The following SCARB1 variants were observed in gnomAD, a reference collection of about 807,000 sequenced individuals.
The protein encoded by SCARB1 is CD36 and LIMPII analogous 1.
SCARB1 carries 30 observed loss-of-function variants against 57.2 expected under a neutral mutation model. The observed-to-expected ratio is 0.52, with a 90% CI of 0.39 to 0.71. The LOEUF is 0.71. Among genes scored for constraint, SCARB1 ranks in the 30% least tolerant of loss-of-function variants. The pLI is 0.00. For synonymous variants in SCARB1, 249 were observed against 268.3 expected (o/e 0.93, Z 0.70); for missense variants, 543 against 671.2 (o/e 0.81, Z 2.11).
rs750135396 is a variant in SCARB1, at chr12:124,817,516, C to T, written c.284+34G>A. The T allele has an allele frequency of 1.5e-5, 24 of 1,610,050 alleles. No individual in the cohort carries two copies. Among genetic ancestry groups the T allele is most frequent in the Non-Finnish European group, 1.9e-5 (22 of 1,178,970 alleles). The stretch of plus-strand genomic sequence containing the variant: ...GACCCCTCCCCTGCCCAGCCTCAGC[C>T]GGCCCCTCCACCCTCACCTGGACAC... On this transcript the variant is annotated intron_variant, in intron 2 of 12. Coordinates refer to ENST00000261693, the MANE Select transcript of SCARB1 (RefSeq NM_005505.5). This position sits in a 1 kb window ranked among gnomAD's most constrained non-coding sequence, Gnocchi z 4.8.
At chr12:124,857,140 A>G (rs1952670939) in intron 1 of SCARB1, among the ~76,000 whole-genome samples, 1 of 152,154 alleles carries the variant, frequency 6.6e-6, no homozygotes, top group Non-Finnish European at 1.5e-5. Context: ...CGCAGAGGCC[A>G]CCGGGACCAG....
At chr12:124,850,991 G>C (rs1341826597) in intron 1 of SCARB1, among the ~76,000 whole-genome samples, 1 of 152,110 alleles carries the variant, frequency 6.6e-6, no homozygotes, top group Non-Finnish European at 1.5e-5. Context: ...GCTCCAAATG[G>C]GCAGGCGACC....
chr12:124,806,000 T>C (rs1419035624), intron 7 of SCARB1, among the ~76,000 whole-genome samples: 1 of 152,166 alleles, frequency 6.6e-6, no homozygotes, highest in African/African-American at 2.4e-5. Context: ...GCATTTAACT[T>C]CCGGCCGGTG....
Position 124,863,636 on chromosome 12 carries a change from T to G in SCARB1, c.85A>C (p.Ile29Leu). The G allele has an allele frequency of 6.3e-7, 1 of 1,599,594 alleles. No individual in the cohort carries two copies. The highest frequency in any genetic ancestry group is 1.7e-5 in the Admixed American group (1 of 58,848). The stretch of plus-strand genomic sequence containing the variant: ...TTGATGAGCGACGGCACCATCACGA[T>G]CATGACAGCGCCCAGCACAGCGCAC... ...LLCAVLGAVM[I>L]VMVPSLIKQQ... is the part of the protein sequence containing the mutation. The change falls in exon 1 of 13, where the codon ATC becomes CTC. Residue 29 changes from isoleucine (I) to leucine (L), a missense_variant. Transcript: ENST00000261693.
intron 1 of SCARB1, among the ~76,000 whole-genome samples, chr12:124,818,255 G>T (rs1038416187): frequency 2.0e-5 from 3 of 152,196 alleles, no homozygotes; most frequent in Admixed American, 6.5e-5. Flanking sequence ...CGCATGCCAC[G>T]TGACAGAGCA....
chr12:124,821,446 TCATGGGA>T, intron 1 of SCARB1: 1 of 985,120 alleles, frequency 1.0e-6, no homozygotes, highest in Non-Finnish European at 1.2e-6. Flanking sequence ...AACCAAGAAG[TCATGGGA>T]TCCGGCCGCG....
At position 124,792,190 on chromosome 12, in the gene SCARB1, C is replaced by T. The variant is rs189406724; in HGVS notation, c.1202+3005G>A. On this transcript the variant is annotated intron_variant, in intron 9 of 12. Coordinates refer to ENST00000261693, the MANE Select transcript of SCARB1 (RefSeq NM_005505.5). ...ATGCAACCCCACTGCCTTTACCTAG[C>T]GAGCAAGGAGCACAGAAGCTTCCCC... Among the ~76,000 whole-genome samples, 7 of 152,284 alleles carry T rather than the reference C, an allele frequency of 4.6e-5. No homozygotes were observed. In the East Asian group the frequency reaches 7.7e-4, roughly 17 times the overall value.
intron 1 of SCARB1, among the ~76,000 whole-genome samples, chr12:124,858,613 C>T (rs1160993253): frequency 6.6e-6 from 1 of 151,998 alleles, no homozygotes; most frequent in Non-Finnish European, 1.5e-5. Flanking sequence ...GGCGCGGTGG[C>T]TCACACCTGT....
At chr12:124,831,525 G>C (rs981905202) in intron 1 of SCARB1, among the ~76,000 whole-genome samples, 1 of 152,144 alleles carries the variant, frequency 6.6e-6, no homozygotes, top group Non-Finnish European at 1.5e-5. Flanking sequence ...GCCCAATCAG[G>C]GTCCCAGTGC....
intron 1 of SCARB1, among the ~76,000 whole-genome samples, chr12:124,835,326 C>G (rs903772332): frequency 6.6e-6 from 1 of 151,730 alleles, no homozygotes. Flanking sequence ...TGGTGCAGTC[C>G]GAGCTCACTG....
chr12:124,801,979 C>T (rs1338174614), intron 7 of SCARB1, among the ~76,000 whole-genome samples: 1 of 151,648 alleles, frequency 6.6e-6, no homozygotes, highest in Non-Finnish European at 1.5e-5. Flanking sequence ...GGAGAAACCC[C>T]GTCTCTACTA....
intron 1 of SCARB1, among the ~76,000 whole-genome samples, chr12:124,848,944 A>C (rs567322243): frequency 6.6e-6 from 1 of 152,362 alleles, no homozygotes; most frequent in East Asian, 1.9e-4. Flanking sequence ...AGATGTTGGA[A>C]ACAGCCAGCC....
rs574309501 is a variant in SCARB1, at chr12:124,808,003, G to A, written c.843-76C>T. The stretch of plus-strand genomic sequence containing the variant: ...GCCAGGCCCTGCCAAAGGCTGCCCA[G>A]ATCCAGCCACTTCTCCCCACGGGCG... On this transcript the variant is annotated intron_variant, in intron 6 of 12. Transcript: ENST00000261693. The A allele has an allele frequency of 1.0e-5, 15 of 1,464,288 alleles. 1 individual carries two copies. The East Asian group carries it at 1.4e-4, about 13-fold the overall frequency. The allele number at this position is 1,464,288 out of a possible 1,614,324, so 90.7% of individuals were successfully genotyped here.
intron 7 of SCARB1, among the ~76,000 whole-genome samples, chr12:124,804,007 T>C (rs1950237872): frequency 6.6e-6 from 1 of 152,244 alleles, no homozygotes; most frequent in Admixed American, 6.5e-5. Context: ...CCCACGCCCT[T>C]GGAGGGGATG....
chr12:124,804,753 T>G (rs1401963743), intron 7 of SCARB1, among the ~76,000 whole-genome samples: 1 of 152,232 alleles, frequency 6.6e-6, no homozygotes, highest in African/African-American at 2.4e-5. Flanking sequence ...CCCCTCCTCC[T>G]GACCCCTGTT....
chr12:124,817,759 GC>G lies in SCARB1; in HGVS notation c.127-53del, dbSNP rs1566193852. On this transcript the variant is annotated intron_variant, in intron 1 of 12. Transcript: ENST00000261693. This position sits in a 1 kb window ranked among gnomAD's most constrained non-coding sequence, Gnocchi z 4.8. ...GTGAGGAGAGTGATGAGGGCCCCACGCCCCACCACAAGGCTCCGGAACAGCT... is the reference window on the plus strand; with the variant it reads ...GTGAGGAGAGTGATGAGGGCCCCACGCCCACCACAAGGCTCCGGAACAGCT... 1.3e-6 allele frequency: 2 copies of G among 1,598,420 alleles called. No individual in the cohort carries two copies. The highest frequency in any genetic ancestry group is 2.7e-5 in the African/African-American group (2 of 74,724).
rs1248283760 is a variant in SCARB1, at chr12:124,817,673, T to C, written c.161A>G (p.Asn54Ser). 6 of 1,614,098 alleles carry C rather than the reference T, an allele frequency of 3.7e-6. No individual in the cohort carries two copies. In the African/African-American group the frequency reaches 4.0e-5, roughly 11 times the overall value. The change falls in exon 2 of 13, where the codon AAC becomes AGC. Residue 54 changes from asparagine to serine, a missense_variant. Coordinates refer to ENST00000261693, the MANE Select transcript of SCARB1 (RefSeq NM_005505.5). The surrounding 1 kb of genome is among the most constrained non-coding windows in gnomAD (Gnocchi z 4.8). ...VRIDPSSLSF[N>S]MWKEIPIPFY... ...GGGGATAGGGATCTCCTTCCACATG[T>C]TGAAGGACAGGCTACTGGGGTCGAT... is the stretch of plus-strand genomic sequence containing the variant.
chr12:124,787,618 T>C (rs1949570959), intron 9 of SCARB1, among the ~76,000 whole-genome samples, 161 bp from the exon 10 acceptor site: 1 of 152,156 alleles, frequency 6.6e-6, no homozygotes, highest in Non-Finnish European at 1.5e-5. Context: ...TTAGGAGCCA[T>C]ATGACAAAAC....
In SCARB1 at chr12:124,811,949, G is replaced by C. The variant is rs755341504; in HGVS notation, c.647C>G (p.Ser216Cys). The change falls in exon 5 of 13, where the codon TCT (serine) becomes TGT (cysteine). Residue 216 changes from serine (S) to cysteine (C), a missense_variant. By Grantham distance (112) the Ser-to-Cys change is moderately radical. Coordinates refer to ENST00000261693, the MANE Select transcript of SCARB1 (RefSeq NM_005505.5). ...GLFAELNNSDSGLFTVFTGVQ... is the reference protein window; with the variant it reads ...GLFAELNNSDCGLFTVFTGVQ... The stretch of plus-strand genomic sequence containing the variant: ...CCCCGTGAACACCGTGAAGAGCCCA[G>C]AGTCGGAGTTGTTGAGCTACAGACA... 4.8e-5 allele frequency: 78 copies of C among 1,612,684 alleles called. No homozygotes were observed. The highest frequency in any genetic ancestry group is 6.4e-5 in the Non-Finnish European group (76 of 1,179,458).
Sources: allele counts gnomAD v4.1 joint callset (sites outside exome capture counted in the v4.1 genomes callset), GRCh38; gene constraint gnomAD v4.1.1; non-coding constraint Gnocchi (gnomAD v3.1); transcripts MANE v1.5; gene names NCBI Gene and HGNC (gene_info 2026-07-23, HGNC 2026-07-21).